Variants in CFTR observed in about 807,000 individuals in gnomAD.
The protein encoded by CFTR is cystic fibrosis transmembrane conductance regulator.
Under a neutral mutation model 171.6 loss-of-function variants are expected in CFTR, and 181 were observed. The observed-to-expected ratio is 1.05, with a 90% CI of 0.93 to 1.19. CFTR has a LOEUF of 1.19. Ranked by LOEUF, CFTR falls within the 50% of genes most tolerant of loss-of-function variation. The probability of loss-of-function intolerance (pLI) is 0.00; values close to 1 mark genes in which losing one functional copy is unlikely to be tolerated. For synonymous variants in CFTR, 583 were observed against 608.0 expected (o/e 0.96, Z 0.60); for missense variants, 1,968 against 1,734.7 (o/e 1.13, Z -2.39).
At chr7:117,627,853 CT>C (rs1310152207) in intron 22 of CFTR, 83 bp downstream of exon 22, 33 of 1,322,490 alleles carry the variant, frequency 2.5e-5, no homozygotes, top group Non-Finnish European at 3.6e-5. Context: ...TTAGCAGAAT[CT>C]ATTTGTAACA....
chr7:117,491,226 C>T (rs1010624650), intron 1 of CFTR, among the ~76,000 whole-genome samples: 5 of 152,012 alleles, frequency 3.3e-5, no homozygotes, highest in African/African-American at 1.2e-4. Context: ...ACTAAAAATA[C>T]TATGTAGTGA....
At chr7:117,495,892 A>C (rs879027819) in intron 1 of CFTR, among the ~76,000 whole-genome samples, 38 of 152,200 alleles carry the variant, frequency 2.5e-4, no homozygotes, top group Admixed American at 2.4e-3. Context: ...TTCATATTCA[A>C]AACAACTTAC....
At chr7:117,522,039 T>C (rs1798692774) in intron 3 of CFTR, among the ~76,000 whole-genome samples, 1 of 152,188 alleles carries the variant, frequency 6.6e-6, no homozygotes, top group South Asian at 2.1e-4. Flanking sequence ...TCCTAGAAGA[T>C]ATAGGAGACA....
intron 22 of CFTR, among the ~76,000 whole-genome samples, chr7:117,641,886 G>A (rs991304786): frequency 3.9e-5 from 6 of 152,214 alleles, no homozygotes; most frequent in African/African-American, 1.4e-4. Flanking sequence ...TCACTGAGGA[G>A]TGGTAAGGCC....
rs115992437 is a variant in CFTR, at chr7:117,610,868, A to T, written c.3139+199A>T. 6.3e-3 allele frequency among the ~76,000 whole-genome samples: 954 copies of T among 152,298 alleles called. 7 individuals carry two copies. Among genetic ancestry groups the T allele is most frequent in the African/African-American group, 0.022 (917 of 41,568 alleles). ...CATGGATTTTTTTTCTTAATTAATGACCATGTGACTTCATTTTGGTTTTAA... is the reference window on the plus strand; with the variant it reads ...CATGGATTTTTTTTCTTAATTAATGTCCATGTGACTTCATTTTGGTTTTAA... On this transcript the variant is annotated intron_variant, in intron 19 of 26. Coordinates refer to ENST00000003084, the MANE Select transcript of CFTR (RefSeq NM_000492.4).
At chr7:117,505,685 A>G (rs999088982) in intron 2 of CFTR, among the ~76,000 whole-genome samples, 2 of 152,218 alleles carry the variant, frequency 1.3e-5, no homozygotes, top group East Asian at 3.8e-4. Flanking sequence ...TCTCGTGCCA[A>G]CAGCACAGGC....
intron 22 of CFTR, among the ~76,000 whole-genome samples, chr7:117,632,731 G>C (rs1372749688): frequency 1.3e-5 from 2 of 152,122 alleles, no homozygotes; most frequent in African/African-American, 2.4e-5. Context: ...GAAAGCAAGA[G>C]CACTGCTCTG....
chr7:117,535,953 T>C (rs766537656), intron 6 of CFTR, among the ~76,000 whole-genome samples: 16 of 152,216 alleles, frequency 1.1e-4, no homozygotes, highest in Non-Finnish European at 2.2e-4. Flanking sequence ...TTGTAGATTA[T>C]AAAACAGGTA....
At chr7:117,501,747 C>CAAAAAAAAAAAAAAAAAAAAAAAATA (rs1212853305) in intron 1 of CFTR, among the ~76,000 whole-genome samples, 1 of 43,902 alleles carries the variant, frequency 2.3e-5, no homozygotes, top group Non-Finnish European at 4.8e-5. Context: ...AACTCTGTCT[C>CAAAAAAAAAAAAAAAAAAAAAAAATA]AAAAAAAAAA....
At chr7:117,575,692 C>A (rs1439385318) in intron 11 of CFTR, among the ~76,000 whole-genome samples, 1 of 152,104 alleles carries the variant, frequency 6.6e-6, no homozygotes, top group African/African-American at 2.4e-5. Flanking sequence ...TTCCATCCAG[C>A]CTTCTACCCT....
chr7:117,501,792 A>AAAAAAAAC, intron 1 of CFTR, among the ~76,000 whole-genome samples: 1 of 149,932 alleles, frequency 6.7e-6, no homozygotes, highest in East Asian at 2.0e-4. Flanking sequence ...AAAAAAAAAA[A>AAAAAAAAC]CAAAAAGCAA....
intron 20 of CFTR, among the ~76,000 whole-genome samples, chr7:117,613,160 T>G (rs959349819): frequency 6.6e-6 from 1 of 152,198 alleles, no homozygotes; most frequent in Non-Finnish European, 1.5e-5. Context: ...AAAAATTCTT[T>G]TAAGTTATTT....
chr7:117,550,979 T>C (rs1799260220), intron 10 of CFTR, among the ~76,000 whole-genome samples: 1 of 152,226 alleles, frequency 6.6e-6, no homozygotes, highest in Admixed American at 6.5e-5. Flanking sequence ...GATTGAATAA[T>C]TGAAAATATT....
intron 1 of CFTR, among the ~76,000 whole-genome samples, chr7:117,497,372 C>A (rs1029232494): frequency 6.6e-6 from 1 of 151,948 alleles, no homozygotes; most frequent in African/African-American, 2.4e-5. Context: ...AAAATTAAAC[C>A]AAAGCCAAGC....
intron 11 of CFTR, among the ~76,000 whole-genome samples, chr7:117,566,778 A>T (rs1373693662): frequency 6.6e-6 from 1 of 152,200 alleles, no homozygotes; most frequent in Admixed American, 6.5e-5. Context: ...CTGGTCATTA[A>T]ATCCTCACTT....
rs1171674692 is a variant in CFTR, at chr7:117,665,450, C to CT, written c.4137-5dup. 6.6e-7 allele frequency: 1 copy of CT among 1,517,954 alleles called. No individual in the cohort carries two copies. Among genetic ancestry groups the CT allele is most frequent in the African/African-American group, 1.4e-5 (1 of 73,040 alleles). 94.0% of individuals were successfully genotyped at this position (1,517,954 alleles called of 1,614,324 possible). On this transcript the variant is annotated splice_polypyrimidine_tract_variant and intron_variant, in intron 25 of 26. Coordinates refer to ENST00000003084, the MANE Select transcript of CFTR (RefSeq NM_000492.4). ...TGATATTATGTGTGGTATTTTCTTT[C>CT]TTTTCTAGAACATACCAAATAATTA...
intron 10 of CFTR, among the ~76,000 whole-genome samples, chr7:117,550,913 T>C (rs557015005): frequency 2.6e-5 from 4 of 152,278 alleles, no homozygotes; most frequent in South Asian, 2.1e-4. Flanking sequence ...TTTAGTAGTA[T>C]TAGGAATGGA....
chr7:117,567,642 A>G (rs1791623394), intron 11 of CFTR, among the ~76,000 whole-genome samples: 1 of 152,314 alleles, frequency 6.6e-6, no homozygotes, highest in Non-Finnish European at 1.5e-5. Flanking sequence ...CTGCAAGTAT[A>G]ACAGGAGTTC....
At chr7:117,644,144 A>G (rs1030462478) in intron 23 of CFTR, among the ~76,000 whole-genome samples, 14 of 152,242 alleles carry the variant, frequency 9.2e-5, no homozygotes, top group African/African-American at 3.4e-4. Flanking sequence ...TTCCTTCAGA[A>G]ATGCTGGATG....
Sources: gnomAD v4.1 joint callset for allele counts (sites outside exome capture counted in the v4.1 genomes callset) on GRCh38, gnomAD v4.1.1 for gene constraint, MANE v1.5 for transcripts, NCBI Gene and HGNC (gene_info 2026-07-23, HGNC 2026-07-21) for gene names.